PSME4: variants seen among roughly 807,000 people sequenced by gnomAD.
PSME4 encodes proteasome activator subunit 4.
PSME4 carries 89 observed loss-of-function variants against 253.9 expected under a neutral mutation model. The observed-to-expected ratio is 0.35, with a 90% CI of 0.30 to 0.42. The LOEUF (loss-of-function observed/expected upper bound fraction) is 0.42. PSME4 is among the 10% of genes least tolerant of loss of function. The pLI is 1.00. For synonymous variants in PSME4, 851 were observed against 759.2 expected (o/e 1.12, Z -1.99); for missense variants, 2,014 against 2,195.2 (o/e 0.92, Z 1.65).
intron 41 of PSME4, among the ~76,000 whole-genome samples, chr2:53,883,631 T>C (rs1325082543): frequency 6.6e-6 from 1 of 152,220 alleles, no homozygotes; most frequent in African/African-American, 2.4e-5. Context: ...TCCTCTTAAA[T>C]GGTTCTAATT....
intron 34 of PSME4, 98 bp from the exon 35 acceptor site, chr2:53,893,897 C>T: frequency 7.1e-7 from 1 of 1,417,150 alleles, no homozygotes; most frequent in Non-Finnish European, 9.2e-7. Context: ...TAGTCAAAAG[C>T]AGGCTGTATT....
At chr2:53,952,689 T>A (rs775275893) in intron 1 of PSME4, among the ~76,000 whole-genome samples, 2 of 152,214 alleles carry the variant, frequency 1.3e-5, no homozygotes, top group African/African-American at 2.4e-5. Flanking sequence ...GAGAATCTCA[T>A]AAGGAGTACA....
chr2:53,966,372 T>G (rs901616997), intron 1 of PSME4, among the ~76,000 whole-genome samples: 1 of 152,096 alleles, frequency 6.6e-6, no homozygotes, highest in South Asian at 2.1e-4. Flanking sequence ...GCCAGGATAA[T>G]AATGTTAGGC....
At chr2:53,909,932 C>A in intron 21 of PSME4, 143 bp downstream of exon 21, 1 of 781,772 alleles carries the variant, frequency 1.3e-6, no homozygotes. Flanking sequence ...ATCGCGTCAC[C>A]ACACTCCAGC....
In PSME4 at chr2:53,934,818, TA is replaced by T. The variant is rs1669028810; in HGVS notation, c.835-92del. The T allele has an allele frequency of 6.1e-6, 6 of 981,846 alleles. No individual in the cohort carries two copies. The Admixed American group carries it at 1.6e-4, about 27-fold the overall frequency. 60.8% of individuals were successfully genotyped at this position (981,846 alleles called of 1,614,324 possible). On this transcript the variant is annotated intron_variant, in intron 7 of 46. Transcript: ENST00000404125. ...TGCTGTATATTAGTGTTACTGAAGATATTTTCATTTTATCACAAGGGTTTTT... is the reference window on the plus strand; with the variant it reads ...TGCTGTATATTAGTGTTACTGAAGATTTTTCATTTTATCACAAGGGTTTTT...
intron 11 of PSME4, among the ~76,000 whole-genome samples, 183 bp from the exon 12 acceptor site, chr2:53,927,666 G>A (rs1032385560): frequency 6.6e-6 from 1 of 152,134 alleles, no homozygotes; most frequent in African/African-American, 2.4e-5. Context: ...CTAGCTGTCG[G>A]CCGAGCGCAG....
intron 3 of PSME4, among the ~76,000 whole-genome samples, chr2:53,946,811 G>C (rs903505241): frequency 2.6e-5 from 4 of 152,148 alleles, no homozygotes; most frequent in Admixed American, 2.6e-4. Flanking sequence ...CTTCTCAGGA[G>C]GCTGAGGCGG....
At chr2:53,965,020 G>A (rs805341) in intron 1 of PSME4, among the ~76,000 whole-genome samples, 84,832 of 151,932 alleles carry the variant, frequency 0.56, 23,897 homozygotes, top group East Asian at 0.71. Context: ...GTAGCAAACA[G>A]GGAATCTAAA....
In PSME4 at chr2:53,898,437, A is replaced by G; in HGVS notation, c.3423-83T>C. Reference sequence around the variant, plus strand: ...ATAATAGAAATTCAAATTCTAGCCAATTTCACCCTCCTTCCCCACTTACTT... The same window carrying G: ...ATAATAGAAATTCAAATTCTAGCCAGTTTCACCCTCCTTCCCCACTTACTT... On this transcript the variant is annotated intron_variant, in intron 29 of 46. Coordinates refer to ENST00000404125, the MANE Select transcript of PSME4 (RefSeq NM_014614.3). 5.4e-6 allele frequency: 6 copies of G among 1,107,442 alleles called. No individual in the cohort carries two copies. In the African/African-American group the frequency reaches 6.4e-5, roughly 12 times the overall value. The allele number at this position is 1,107,442 out of a possible 1,614,324, so 68.6% of individuals were successfully genotyped here. A position where few individuals can be genotyped will look rare whatever the true frequency, so the allele number is the denominator to read the frequency against.
chr2:53,895,543 C>T, intron 33 of PSME4, 40 bp downstream of exon 33: 12 of 1,556,964 alleles, frequency 7.7e-6, no homozygotes, highest in Non-Finnish European at 1.0e-5. Flanking sequence ...GCAGTTATAT[C>T]AAAGGCATTT....
Position 53,904,084 on chromosome 2 carries a change from G to C in PSME4, c.3016C>G (p.Pro1006Ala), listed in dbSNP as rs781641166. The C allele has an allele frequency of 6.2e-7, 1 of 1,613,582 alleles. No homozygotes were observed. Among genetic ancestry groups the C allele is most frequent in the Non-Finnish European group, 8.5e-7 (1 of 1,179,816 alleles). Residue 1006 changes from proline (P) to alanine (A), a missense_variant, in exon 27 of 47, where the codon CCC (proline) becomes GCC (alanine). Coordinates refer to ENST00000404125, the MANE Select transcript of PSME4 (RefSeq NM_014614.3). ...GGCCTTAAGAACTCCAAAACCAAGGGAATGATATCTCTGCAACAGAAGTTA... is the reference window on the plus strand; with the variant it reads ...GGCCTTAAGAACTCCAAAACCAAGGCAATGATATCTCTGCAACAGAAGTTA... ...AYNFCCRDIIPLVLEFLRPDR... is the reference protein window; with the variant it reads ...AYNFCCRDIIALVLEFLRPDR...
intron 1 of PSME4, among the ~76,000 whole-genome samples, chr2:53,952,474 G>A (rs1670044882): frequency 2.0e-5 from 3 of 152,128 alleles, no homozygotes; most frequent in Non-Finnish European, 1.5e-5. Context: ...CCTGGGAGGC[G>A]GAGGTTGCAG....
chr2:53,940,905 A>G (rs1669369619), intron 3 of PSME4, among the ~76,000 whole-genome samples: 1 of 129,928 alleles, frequency 7.7e-6, no homozygotes, highest in African/African-American at 2.8e-5. Context: ...AAATATATAT[A>G]ATACATATTT....
At chr2:53,879,273 A>G (rs1191969638) in intron 41 of PSME4, among the ~76,000 whole-genome samples, 2 of 152,204 alleles carry the variant, frequency 1.3e-5, no homozygotes, top group Non-Finnish European at 2.9e-5. Flanking sequence ...AATAATTCAA[A>G]TATCTATTGG....
In PSME4 at chr2:53,970,905, C is replaced by G. The variant is rs1671053625; in HGVS notation, c.-121G>C. 3 of 810,306 alleles carry G rather than the reference C, an allele frequency of 3.7e-6. No homozygotes were observed. In the African/African-American group the frequency reaches 5.5e-5, roughly 15 times the overall value. The allele number at this position is 810,306 out of a possible 1,614,324, so 50.2% of individuals were successfully genotyped here. A position where few individuals can be genotyped will look rare whatever the true frequency, so the allele number is the denominator to read the frequency against. On this transcript the variant is annotated 5_prime_UTR_variant, in exon 1 of 47. Coordinates refer to ENST00000404125, the MANE Select transcript of PSME4 (RefSeq NM_014614.3). The stretch of plus-strand genomic sequence containing the variant: ...GCGGCCGCTGGCGGCCCGTCGCCCT[C>G]GGACCGATCGCTAGGCCCCCTTCCC...
chr2:53,944,564 T>C (rs1301959129), intron 3 of PSME4, among the ~76,000 whole-genome samples: 1 of 152,236 alleles, frequency 6.6e-6, no homozygotes, highest in Non-Finnish European at 1.5e-5. Context: ...ATCATATTAA[T>C]AATCGTGGTT....
At chr2:53,910,160 T>C in intron 20 of PSME4, 30 bp from the exon 21 acceptor site, 1 of 1,544,326 alleles carries the variant, frequency 6.5e-7, no homozygotes, top group Non-Finnish European at 9.0e-7. Flanking sequence ...CTTGCATTTA[T>C]TAATAATACC....
chr2:53,970,534 C>T lies in PSME4; in HGVS notation c.242+9G>A. On this transcript the variant is annotated intron_variant, in intron 1 of 46. Coordinates refer to ENST00000404125, the MANE Select transcript of PSME4 (RefSeq NM_014614.3). ...CCCCGGCCCGGCCCGCAGGCCCGGG[C>T]ACACTTACGTGGAGAGTTTCCTGGT... is the stretch of plus-strand genomic sequence containing the variant. 1 of 1,547,644 alleles carries T rather than the reference C, an allele frequency of 6.5e-7. No individual in the cohort carries two copies. The highest frequency in any genetic ancestry group is 8.7e-7 in the Non-Finnish European group (1 of 1,146,744).
At chr2:53,967,560 T>G (rs1159697884) in intron 1 of PSME4, among the ~76,000 whole-genome samples, 1 of 141,498 alleles carries the variant, frequency 7.1e-6, no homozygotes, top group Non-Finnish European at 1.5e-5. Context: ...GAGAATCGTT[T>G]GAACCAGGGA....
Sources: gnomAD v4.1 joint callset for allele counts (sites outside exome capture counted in the v4.1 genomes callset) on GRCh38, gnomAD v4.1.1 for gene constraint, MANE v1.5 for transcripts, NCBI Gene and HGNC (gene_info 2026-07-23, HGNC 2026-07-21) for gene names.